Variants in GPC6 observed in about 807,000 individuals in gnomAD.
GPC6 encodes the protein glypican 6.
A neutral mutation model predicts 55.2 loss-of-function variants in GPC6; 14 were observed. The observed-to-expected ratio is 0.25, with a 90% CI of 0.17 to 0.40. The LOEUF (loss-of-function observed/expected upper bound fraction) is 0.40, where lower values mean the gene tolerates loss of function less well. Among genes scored for constraint, GPC6 ranks in the 10% least tolerant of loss-of-function variants. The pLI is 1.00. For synonymous variants in GPC6, 278 were observed against 259.6 expected, an observed-to-expected ratio of 1.07 and a Z score of -0.68; for missense variants, 641 against 708.5, an observed-to-expected ratio of 0.90 and a Z score of 1.08.
intron 2 of GPC6, among the ~76,000 whole-genome samples, chr13:93,771,350 A>G (rs1885286241): frequency 6.6e-6 from 1 of 152,104 alleles, no homozygotes; most frequent in East Asian, 1.9e-4. Context: ...TAAATTATAC[A>G]TGACTGTTTG....
At chr13:93,414,188 T>C (rs1258827701) in intron 1 of GPC6, among the ~76,000 whole-genome samples, 1 of 152,170 alleles carries the variant, frequency 6.6e-6, no homozygotes, top group Non-Finnish European at 1.5e-5. Context: ...TAGGTACTTC[T>C]GCTTTGTTCA....
chr13:93,346,520 C>CTGTGA (rs1880437117), intron 1 of GPC6, among the ~76,000 whole-genome samples: 1 of 152,134 alleles, frequency 6.6e-6, no homozygotes, highest in African/African-American at 2.4e-5. Flanking sequence ...GACAGTTTCC[C>CTGTGA]TGTGATGTGA....
At chr13:94,241,228 C>T (rs1042650942) in intron 4 of GPC6, among the ~76,000 whole-genome samples, 3 of 152,146 alleles carry the variant, frequency 2.0e-5, no homozygotes, top group African/African-American at 7.2e-5. Flanking sequence ...TCACCTTGAT[C>T]TCAGACTTCC....
intron 1 of GPC6, among the ~76,000 whole-genome samples, chr13:93,454,831 G>GC (rs1350577722): frequency 1.3e-5 from 2 of 152,102 alleles, no homozygotes; most frequent in Non-Finnish European, 2.9e-5. Context: ...GCGCCCTGGA[G>GC]CAGGGGGTGG....
intron 2 of GPC6, among the ~76,000 whole-genome samples, chr13:93,651,520 G>A (rs576509684): frequency 6.6e-6 from 1 of 152,214 alleles, no homozygotes; most frequent in South Asian, 2.1e-4. Flanking sequence ...AATCCTGCCT[G>A]CAAATACCTC....
chr13:93,386,205 C>T (rs887877330), intron 1 of GPC6, among the ~76,000 whole-genome samples: 17 of 151,668 alleles, frequency 1.1e-4, no homozygotes, highest in African/African-American at 2.7e-4. Flanking sequence ...TAACTGTAGA[C>T]GCTATTAAGA....
intron 4 of GPC6, among the ~76,000 whole-genome samples, chr13:94,273,127 A>AC (rs751416375): frequency 1.3e-5 from 2 of 152,032 alleles, no homozygotes; most frequent in South Asian, 2.1e-4. Context: ...GTTGCATTTA[A>AC]CCCCCCAGTG....
chr13:94,388,308 T>C (rs1880499794), intron 7 of GPC6, among the ~76,000 whole-genome samples: 1 of 152,194 alleles, frequency 6.6e-6, no homozygotes, highest in Admixed American at 6.5e-5. Flanking sequence ...GCTTTTCTTA[T>C]ATTAAAAATA....
chr13:94,393,236 C>T (rs998287186), intron 7 of GPC6, among the ~76,000 whole-genome samples: 1 of 152,096 alleles, frequency 6.6e-6, no homozygotes, highest in Non-Finnish European at 1.5e-5. Flanking sequence ...TATATTACAT[C>T]GTATCTCCAG....
At chr13:93,877,074 A>G (rs745506531) in intron 3 of GPC6, among the ~76,000 whole-genome samples, 6 of 152,104 alleles carry the variant, frequency 3.9e-5, no homozygotes, top group Admixed American at 6.6e-5. Flanking sequence ...TTCCTGAGGG[A>G]AATATAACAC....
chr13:94,093,201 A>G (rs997610967), intron 4 of GPC6, among the ~76,000 whole-genome samples: 16 of 152,030 alleles, frequency 1.1e-4, no homozygotes, highest in African/African-American at 3.9e-4. Flanking sequence ...ATCAATGTCA[A>G]AAAATTTTTT....
At chr13:93,371,443 A>G (rs1395298807) in intron 1 of GPC6, among the ~76,000 whole-genome samples, 1 of 152,166 alleles carries the variant, frequency 6.6e-6, no homozygotes, top group Non-Finnish European at 1.5e-5. Context: ...AAATGATCTC[A>G]AAGAATCTTG....
chr13:93,457,184 C>A (rs984093482), intron 1 of GPC6, among the ~76,000 whole-genome samples: 1 of 152,152 alleles, frequency 6.6e-6, no homozygotes, highest in African/African-American at 2.4e-5. Flanking sequence ...TCATTAGTAG[C>A]ATGAGAATGG....
chr13:93,765,490 T>TA (rs76532028), intron 2 of GPC6, among the ~76,000 whole-genome samples: 1 of 146,376 alleles, frequency 6.8e-6, no homozygotes, highest in Non-Finnish European at 1.5e-5. Context: ...TAAACTTTTT[T>TA]AAAAAAAATG....
At chr13:94,279,576 A>G (rs1892313052) in intron 4 of GPC6, among the ~76,000 whole-genome samples, 1 of 152,122 alleles carries the variant, frequency 6.6e-6, no homozygotes, top group Non-Finnish European at 1.5e-5. Context: ...TGATGTGGGC[A>G]TTTAGTACTA....
intron 1 of GPC6, among the ~76,000 whole-genome samples, chr13:93,373,132 T>C (rs1210694783): frequency 6.6e-6 from 1 of 152,188 alleles, no homozygotes; most frequent in African/African-American, 2.4e-5. Context: ...TCAGGCAGCA[T>C]GGCATCACAC....
rs71695956 is a variant in GPC6 at position 94,339,068 on chromosome 13, C to CT, written c.1152+32957dup. On this transcript the variant is annotated intron_variant, in intron 6 of 8. Transcript: ENST00000377047. ...AAGGAGTGTTATTTTAGGAGTTTTC[C>CT]TTTTTTTTTTTTAAGAGACGGGGTC... 8.1e-3 allele frequency among the ~76,000 whole-genome samples: 1,180 copies of CT among 145,096 alleles called. 25 individuals are homozygous for CT. The East Asian group carries it at 0.1, about 12-fold the overall frequency.
At chr13:93,264,759 TATAA>T (rs1877267335) in intron 1 of GPC6, among the ~76,000 whole-genome samples, 1 of 152,198 alleles carries the variant, frequency 6.6e-6, no homozygotes, top group Admixed American at 6.5e-5. Flanking sequence ...GTAAATGCTA[TATAA>T]ATAGTTGTTA....
In GPC6 at chr13:93,911,658, C is replaced by T. The variant is rs541484797; in HGVS notation, c.711+81113C>T. Among the ~76,000 whole-genome samples the T allele has an allele frequency of 7.9e-5, 12 of 152,216 alleles. No homozygotes were observed. The East Asian group carries it at 1.2e-3, about 15-fold the overall frequency. ...CTTAGTTATCACAAAGTTCTAGATTCGGATCAAGATTTACTAACCGTTTGA... is the reference window on the plus strand; with the variant it reads ...CTTAGTTATCACAAAGTTCTAGATTTGGATCAAGATTTACTAACCGTTTGA... On this transcript the variant is annotated intron_variant, in intron 3 of 8. Coordinates refer to ENST00000377047, the MANE Select transcript of GPC6 (RefSeq NM_005708.5).
Sources: gnomAD v4.1 joint callset for allele counts (sites outside exome capture counted in the v4.1 genomes callset) on GRCh38, gnomAD v4.1.1 for gene constraint, MANE v1.5 for transcripts, NCBI Gene and HGNC (gene_info 2026-07-23, HGNC 2026-07-21) for gene names.